The following ATP6V1A variants were observed in gnomAD, a reference collection of about 807,000 sequenced individuals.
ATP6V1A encodes V-type proton ATPase catalytic subunit A.
A neutral mutation model predicts 70.1 loss-of-function variants in ATP6V1A; 18 were observed. The observed-to-expected ratio is 0.26, with a 90% confidence interval of 0.18 to 0.38. The LOEUF (loss-of-function observed/expected upper bound fraction) is 0.38. ATP6V1A is among the 10% of genes least tolerant of loss of function. The pLI is 1.00. For missense variants in ATP6V1A, 424 were observed against 772.4 expected, an observed-to-expected ratio of 0.55 and a Z score of 5.35; for synonymous variants, 232 against 253.8, an observed-to-expected ratio of 0.91 and a Z score of 0.82.
intron 1 of ATP6V1A, among the ~76,000 whole-genome samples, chr3:113,775,506 G>A (rs2108023009): frequency 6.6e-6 from 1 of 152,188 alleles, no homozygotes; most frequent in Non-Finnish European, 1.5e-5. Context: ...CTGGAATTAT[G>A]GGCATGAGCC....
At chr3:113,780,723 G>T in intron 2 of ATP6V1A, 1 of 1,287,356 alleles carries the variant, frequency 7.8e-7, no homozygotes, top group Non-Finnish European at 1.0e-6. Context: ...TTTTTTTATT[G>T]TTCCAAAGCC....
chr3:113,799,686 A>G, intron 12 of ATP6V1A, among the ~76,000 whole-genome samples: 1 of 149,682 alleles, frequency 6.7e-6, no homozygotes, highest in East Asian at 1.9e-4. Context: ...AGAAACAAAT[A>G]ATAAGAGTTC....
chr3:113,805,272 A>AAT, intron 13 of ATP6V1A, 82 bp from the exon 14 acceptor site: 1 of 1,330,272 alleles, frequency 7.5e-7, no homozygotes, highest in Non-Finnish European at 1.0e-6. Context: ...TAAAGAAACT[A>AAT]ATGCTCTAGT....
intron 11 of ATP6V1A, among the ~76,000 whole-genome samples, chr3:113,797,256 A>ATT (rs879809506): frequency 7.4e-6 from 1 of 135,326 alleles, no homozygotes. Context: ...TAAAAAAAAA[A>ATT]TTTTTTTTTT....
chr3:113,750,534 A>C (rs967150134), intron 1 of ATP6V1A, among the ~76,000 whole-genome samples: 2 of 152,172 alleles, frequency 1.3e-5, no homozygotes, highest in Non-Finnish European at 2.9e-5. Flanking sequence ...AAAATGGTAA[A>C]GCAGTGTAGC....
intron 8 of ATP6V1A, among the ~76,000 whole-genome samples, chr3:113,793,431 T>C (rs918816885): frequency 2.0e-5 from 3 of 152,202 alleles, no homozygotes; most frequent in Middle Eastern, 3.2e-3. Context: ...TCCCAGCTTG[T>C]TTATCTCTTG....
intron 3 of ATP6V1A, among the ~76,000 whole-genome samples, chr3:113,782,008 A>C (rs1467699179): frequency 6.6e-6 from 1 of 152,224 alleles, no homozygotes; most frequent in Non-Finnish European, 1.5e-5. Flanking sequence ...ATTTTCTATG[A>C]AAAATAAAGG....
rs981609370 is a variant in ATP6V1A, at chr3:113,810,053, T to A, written c.*626T>A. The A allele has an allele frequency of 6.6e-6, 1 of 151,922 alleles. No individual in the cohort carries two copies. Among genetic ancestry groups the A allele is most frequent in the Admixed American group, 6.6e-5 (1 of 15,256 alleles). The allele number at this position is 151,922 out of a possible 1,614,324, so 9.4% of individuals were successfully genotyped here. A position where few individuals can be genotyped will look rare whatever the true frequency, so the allele number is the denominator to read the frequency against. On this transcript the variant is annotated 3_prime_UTR_variant, in exon 15 of 15. Coordinates refer to ENST00000273398, the MANE Select transcript of ATP6V1A (RefSeq NM_001690.4). ...TATTTTTTATTTTTTTTATTATTTT[T>A]TTTTTGGGGACGGAGTGTCCCTCTT...
At chr3:113,763,602 G>A (rs1048704936) in intron 1 of ATP6V1A, among the ~76,000 whole-genome samples, 2 of 152,110 alleles carry the variant, frequency 1.3e-5, no homozygotes, top group South Asian at 4.1e-4. Flanking sequence ...TATTTCTATT[G>A]AGGTTGGCAA....
intron 1 of ATP6V1A, among the ~76,000 whole-genome samples, chr3:113,757,060 GA>G (rs1404026677): frequency 6.6e-6 from 1 of 152,150 alleles, no homozygotes; most frequent in Non-Finnish European, 1.5e-5. Context: ...TTCAAGAAAG[GA>G]AAAAGTATCT....
chr3:113,768,446 G>A lies in ATP6V1A; in HGVS notation c.-13-10295G>A, dbSNP rs139381924. 2.9e-3 allele frequency among the ~76,000 whole-genome samples: 446 copies of A among 152,240 alleles called. 2 individuals carry two copies. The highest frequency in any genetic ancestry group is 0.01 in the African/African-American group (429 of 41,546). On this transcript the variant is annotated intron_variant, in intron 1 of 14. Coordinates refer to ENST00000273398, the MANE Select transcript of ATP6V1A (RefSeq NM_001690.4). ...CAATAAAGGCAACAAGGACTCAGAT[G>A]TCTTTTGTCTTTCTATTTTGTCATC...
intron 1 of ATP6V1A, among the ~76,000 whole-genome samples, chr3:113,753,222 T>TA (rs2108006185): frequency 6.6e-6 from 1 of 152,314 alleles, no homozygotes; most frequent in South Asian, 2.1e-4. Context: ...TGTGTAACCT[T>TA]ACTAGTAATC....
At chr3:113,767,391 G>A (rs1708785304) in intron 1 of ATP6V1A, among the ~76,000 whole-genome samples, 1 of 152,010 alleles carries the variant, frequency 6.6e-6, no homozygotes, top group African/African-American at 2.4e-5. Context: ...CCAGCCTGAT[G>A]TTATCTGTTT....
rs759487334 is a variant in ATP6V1A at position 113,781,076 on chromosome 3, G to A, written c.109G>A (p.Ala37Thr). 6.2e-7 allele frequency: 1 copy of A among 1,605,912 alleles called. No individual in the cohort carries two copies. Among genetic ancestry groups the A allele is most frequent in the South Asian group, 1.1e-5 (1 of 89,878 alleles). ...PVVTACDMAG[A>T]AMYELVRVGH... ...GGTTACAGCCTGTGACATGGCGGGT[G>A]CAGCCATGTATGAGCTGGTGAGAGT... is the stretch of plus-strand genomic sequence containing the variant. Residue 37 changes from alanine (A) to threonine (T), a missense_variant, in exon 3 of 15, where the codon GCA becomes ACA. Around this residue, in one of 9 missense-constraint regions of ATP6V1A, gnomAD observed 31 missense variants for 78.6 expected, o/e 0.39. Coordinates refer to ENST00000273398, the MANE Select transcript of ATP6V1A (RefSeq NM_001690.4).
rs142398138 is a variant in ATP6V1A, at chr3:113,784,422, C to T, written c.410C>T (p.Pro137Leu). 920 of 1,611,650 alleles carry T rather than the reference C, an allele frequency of 5.7e-4. 1 individual carries two copies. Among genetic ancestry groups the T allele is most frequent in the South Asian group, 1.7e-3 (152 of 90,790 alleles). ...LSRDIKWDFT[P>L]CKNLRVGSHI... ...AGAGATATCAAATGGGACTTTACAC[C>T]TTGCAAAAACCTACGGGTATGTCTG... is the stretch of plus-strand genomic sequence containing the variant. Residue 137 changes from proline (P) to leucine (L), a missense_variant, in exon 4 of 15, where the codon CCT becomes CTT. Pro to Leu is a moderately conservative substitution (Grantham distance 98). Coordinates refer to ENST00000273398, the MANE Select transcript of ATP6V1A (RefSeq NM_001690.4).
rs1011407562 is a variant in ATP6V1A at position 113,809,609 on chromosome 3, G to A, written c.*182G>A. 45 of 503,654 alleles carry A rather than the reference G, an allele frequency of 8.9e-5. No individual in the cohort carries two copies. Among genetic ancestry groups the A allele is most frequent in the Non-Finnish European group, 9.8e-5 (27 of 275,694 alleles). 31.2% of individuals were successfully genotyped at this position (503,654 alleles called of 1,614,324 possible). A position where few individuals can be genotyped will look rare whatever the true frequency, so the allele number is the denominator to read the frequency against. ...TCTTATATAAAACAAACATTCCTTT[G>A]TTCTAGTGTTGTGAAGGGCCTCCCT... is the stretch of plus-strand genomic sequence containing the variant. On this transcript the variant is annotated 3_prime_UTR_variant, in exon 15 of 15. Coordinates refer to ENST00000273398, the MANE Select transcript of ATP6V1A (RefSeq NM_001690.4).
chr3:113,808,518 T>TC (rs1709305091), intron 14 of ATP6V1A, among the ~76,000 whole-genome samples: 1 of 151,972 alleles, frequency 6.6e-6, no homozygotes. Context: ...GGTCTCAATC[T>TC]CCCGACCTTG....
At chr3:113,779,303 T>G (rs1410033021) in intron 2 of ATP6V1A, 1 of 152,166 alleles carries the variant, frequency 6.6e-6, no homozygotes, top group Non-Finnish European at 1.5e-5. Context: ...ATGGTTATTT[T>G]AAGTGTCACA....
intron 1 of ATP6V1A, among the ~76,000 whole-genome samples, chr3:113,768,779 A>G (rs1708802689): frequency 6.6e-6 from 1 of 151,942 alleles, no homozygotes; most frequent in Non-Finnish European, 1.5e-5. Flanking sequence ...TATTTTTAGT[A>G]GAGATGGGAT....
Sources: allele counts gnomAD v4.1 joint callset (sites outside exome capture counted in the v4.1 genomes callset), GRCh38; gene constraint gnomAD v4.1.1; regional missense constraint gnomAD v4.1.1; transcripts MANE v1.5; gene names NCBI Gene and HGNC (gene_info 2026-07-23, HGNC 2026-07-21).